Variants in MYO1H observed in about 807,000 individuals in gnomAD.
MYO1H encodes the protein myosin IH, also known as unconventional myosin-Ih.
A neutral mutation model predicts 149.3 loss-of-function variants in MYO1H; 118 were observed. The ratio of observed to expected loss-of-function variants is 0.79; its 90% confidence interval spans 0.68 to 0.92. The LOEUF is 0.92. Among genes scored for constraint, MYO1H ranks in the 40% least tolerant of loss-of-function variants. The probability of loss-of-function intolerance (pLI) is 0.00; values close to 1 mark genes in which losing one functional copy is unlikely to be tolerated. For synonymous variants in MYO1H, 447 were observed against 465.2 expected, an observed-to-expected ratio of 0.96 and a Z score of 0.50; for missense variants, 1,212 against 1,280.7, an observed-to-expected ratio of 0.95 and a Z score of 0.82.
In MYO1H at chr12:109,437,767, G is replaced by A. The variant is rs180956376; in HGVS notation, c.2210-769G>A. On this transcript the variant is annotated intron_variant, in intron 22 of 31. Coordinates refer to ENST00000310903, the Ensembl canonical transcript of MYO1H. ...CTGTTCTGAGGATTCGAAGAAAAGC[G>A]TTTAAAAAATCTGAAGAGCATTTAA... Among the ~76,000 whole-genome samples the A allele has an allele frequency of 9.9e-3, 1,505 of 152,134 alleles. 32 individuals are homozygous for A. The highest frequency in any genetic ancestry group is 0.035 in the African/African-American group (1,435 of 41,480).
chr12:109,409,079 CCA>C (rs1187977251), intron 10 of MYO1H, among the ~76,000 whole-genome samples: 2 of 152,146 alleles, frequency 1.3e-5, no homozygotes, highest in Non-Finnish European at 2.9e-5. Flanking sequence ...GCGTGAGCCA[CCA>C]CGCCTGGCCT....
At chr12:109,343,365 T>C (rs1242438897), upstream of MYO1H, among the ~76,000 whole-genome samples, 2 of 152,204 alleles carry the variant, frequency 1.3e-5, no homozygotes, top group Non-Finnish European at 2.9e-5. Context: ...CATGTGAATT[T>C]TCTATGTCCA....
At chr12:109,350,783 T>C (rs1287862285) in intron 1 of MYO1H, among the ~76,000 whole-genome samples, 1 of 152,198 alleles carries the variant, frequency 6.6e-6, no homozygotes, top group African/African-American at 2.4e-5. Flanking sequence ...CAAAGTGATA[T>C]AGGTAATTTA....
chr12:109,442,795 C>CTTTTTTTTTTTTT (rs747073389), intron 27 of MYO1H, among the ~76,000 whole-genome samples: 1 of 94,014 alleles, frequency 1.1e-5, no homozygotes, highest in Non-Finnish European at 2.2e-5. Flanking sequence ...AGTGTCTGCT[C>CTTTTTTTTTTTTT]TTTTTTTTTT....
intron 1 of MYO1H, among the ~76,000 whole-genome samples, chr12:109,381,100 G>C (rs1005433676): frequency 1.3e-5 from 2 of 152,170 alleles, no homozygotes; most frequent in African/African-American, 4.8e-5. Flanking sequence ...CACTCCTAGG[G>C]TATGAACGTG....
At chr12:109,396,067 C>T (rs1044904401) in intron 3 of MYO1H, among the ~76,000 whole-genome samples, 3 of 151,914 alleles carry the variant, frequency 2.0e-5, no homozygotes, top group African/African-American at 7.3e-5. Context: ...TACAAGCATG[C>T]ACCACCATAC....
intron 17 of MYO1H, 67 bp from the exon 18 acceptor site, chr12:109,425,879 T>C (rs1871333070): frequency 8.5e-7 from 1 of 1,172,666 alleles, no homozygotes; most frequent in African/African-American, 1.5e-5. Context: ...GCCAGTCTTT[T>C]TGTATTCGTT....
At chr12:109,344,364 AAAATG>A (rs1165630087), upstream of MYO1H, among the ~76,000 whole-genome samples, 1 of 152,218 alleles carries the variant, frequency 6.6e-6, no homozygotes, top group Non-Finnish European at 1.5e-5. Context: ...GAACAATCTG[AAAATG>A]AAATAAATCT....
At position 109,439,585 on chromosome 12, in the gene MYO1H, G is replaced by A. The variant is rs138784673; in HGVS notation, c.2295-46G>A. 1.9e-3 allele frequency: 2,994 copies of A among 1,555,272 alleles called. 9 individuals carry two copies. The highest frequency in any genetic ancestry group is 2.4e-3 in the South Asian group (200 of 84,020). ...GAAGGGGGAAGAGAATGTAAATCTC[G>A]GTGAAGAAATGGTCCAGAAAAGTAA... On this transcript the variant is annotated intron_variant, in intron 23 of 31. Coordinates refer to ENST00000310903, the Ensembl canonical transcript of MYO1H.
At chr12:109,433,701 C>A (rs1423376444) in intron 20 of MYO1H, among the ~76,000 whole-genome samples, 3 of 152,200 alleles carry the variant, frequency 2.0e-5, no homozygotes, top group Non-Finnish European at 4.4e-5. Context: ...GCCGCCTTGG[C>A]CTCTCTCCAT....
intron 2 of MYO1H, among the ~76,000 whole-genome samples, chr12:109,389,744 T>G (rs996791667): frequency 6.6e-6 from 1 of 152,196 alleles, no homozygotes; most frequent in Non-Finnish European, 1.5e-5. Flanking sequence ...TTATTAAAAT[T>G]ATTTAATTTT....
intron 9 of MYO1H, among the ~76,000 whole-genome samples, chr12:109,407,565 A>T (rs1870445867): frequency 6.8e-6 from 1 of 146,794 alleles, no homozygotes; most frequent in Non-Finnish European, 1.5e-5. Context: ...GGAGTTCAAG[A>T]CCAGCCTGGG....
chr12:109,411,811 C>T (rs1870688175), intron 13 of MYO1H, 83 bp from the exon 14 acceptor site: 7 of 968,156 alleles, frequency 7.2e-6, no homozygotes, highest in Non-Finnish European at 1.1e-5. Context: ...CCAGTACTTT[C>T]TGTTCCAGCT....
At chr12:109,326,063 T>A in the MYO1H span, among the ~76,000 whole-genome samples, 525 of 152,286 alleles carry the variant, frequency 3.4e-3, 5 homozygotes, top group African/African-American at 0.012. Flanking sequence ...GTCTAGAAGA[T>A]ATTTTCTGTG....
intron 6 of MYO1H, among the ~76,000 whole-genome samples, chr12:109,401,886 C>T (rs1313766725): frequency 3.9e-5 from 6 of 152,004 alleles, no homozygotes; most frequent in African/African-American, 9.7e-5. Flanking sequence ...ACTACAGGCG[C>T]GAGGTACCAT....
rs55927192 is a variant in MYO1H, at chr12:109,353,393, C to CAAAAAAAAAA, written c.12+5438_12+5447dup. Among the ~76,000 whole-genome samples, 629 of 79,240 alleles carry CAAAAAAAAAA rather than the reference C, an allele frequency of 7.9e-3. 59 individuals are homozygous for CAAAAAAAAAA. Among genetic ancestry groups the CAAAAAAAAAA allele is most frequent in the African/African-American group, 0.027 (574 of 21,322 alleles). The allele number at this position is 79,240 out of a possible 152,430, so 52.0% of individuals were successfully genotyped here. On this transcript the variant is annotated intron_variant, in intron 1 of 31. Transcript: ENST00000310903. ...TGGGTGACAGAGCGAGACTCCGTCT[C>CAAAAAAAAAA]AAAAAAAAAAAAAAAAAAAAAAAAA... is the stretch of plus-strand genomic sequence containing the variant.
At chr12:109,312,381 T>TTTTTGTTTTGTTTTG in the MYO1H span, among the ~76,000 whole-genome samples, 83 of 150,976 alleles carry the variant, frequency 5.5e-4, 1 homozygote, top group African/African-American at 1.6e-3. Flanking sequence ...CCCAGCTAAT[T>TTTTTGTTTTGTTTTG]TTTTGTTTTG....
intron 14 of MYO1H, among the ~76,000 whole-genome samples, chr12:109,413,077 A>C (rs1422595954): frequency 1.3e-5 from 2 of 152,044 alleles, no homozygotes; most frequent in East Asian, 3.8e-4. Context: ...CCCGGGTTCA[A>C]GTGATTCTGC....
At chr12:109,345,399 A>G (rs1354482477), upstream of MYO1H, among the ~76,000 whole-genome samples, 1 of 152,202 alleles carries the variant, frequency 6.6e-6, no homozygotes, top group Non-Finnish European at 1.5e-5. Flanking sequence ...TCAAAACCAC[A>G]ATGAGATACC....
Sources: allele counts gnomAD v4.1 joint callset (sites outside exome capture counted in the v4.1 genomes callset), GRCh38; gene constraint gnomAD v4.1.1; transcripts MANE v1.5; gene names NCBI Gene and HGNC (gene_info 2026-07-23, HGNC 2026-07-21).